The following TPP2 variants were observed in gnomAD, a reference collection of about 807,000 sequenced individuals.
The protein encoded by TPP2 is tripeptidyl-peptidase 2.
In TPP2, 34 loss-of-function variants were observed where a neutral mutation model predicts 155.9. The observed-to-expected ratio is 0.22, with a 90% confidence interval of 0.17 to 0.29. TPP2 has a LOEUF of 0.29. Ranked by LOEUF, TPP2 falls within the 10% of genes least tolerant of loss-of-function variation. The pLI is 1.00. For synonymous variants in TPP2, 510 were observed against 529.4 expected, an observed-to-expected ratio of 0.96 and a Z score of 0.50; for missense variants, 1,028 against 1,522.3, an observed-to-expected ratio of 0.68 and a Z score of 5.40.
rs144069682 is a variant in TPP2 at position 102,601,624 on chromosome 13, A to G, written c.166-3169A>G. Among the ~76,000 whole-genome samples the G allele has an allele frequency of 6.8e-3, 1,034 of 152,290 alleles. 4 individuals carry two copies. The highest frequency in any genetic ancestry group is 0.011 in the Non-Finnish European group (727 of 68,004). On this transcript the variant is annotated intron_variant, in intron 1 of 29. Transcript: ENST00000376052. The stretch of plus-strand genomic sequence containing the variant: ...AAGCTCTTACCGATACTAACTGCCC[A>G]TGCTTTCAGTCCCTCTTTCCCATGT...
intron 24 of TPP2, 119 bp downstream of exon 24, chr13:102,651,516 A>G (rs1419330732): frequency 2.9e-6 from 3 of 1,030,184 alleles, no homozygotes; most frequent in Non-Finnish European, 4.2e-6. Flanking sequence ...CTTTCTTTGC[A>G]TTCTAAAGTA....
intron 6 of TPP2, among the ~76,000 whole-genome samples, chr13:102,625,204 G>T (rs867002766): frequency 8.6e-6 from 1 of 115,890 alleles, no homozygotes; most frequent in Non-Finnish European, 1.7e-5. Context: ...TCGCTCTGTC[G>T]CCCAGGCTGG....
chr13:102,654,950 C>T (rs1469889997), intron 24 of TPP2: 6 of 498,576 alleles, frequency 1.2e-5, no homozygotes, highest in South Asian at 8.8e-5. Flanking sequence ...GCAGCTGGGT[C>T]CTGAAAGAGC....
rs758346149 is a variant in TPP2 at position 102,644,560 on chromosome 13, G to A, written c.2179G>A (p.Gly727Arg). 1.2e-6 allele frequency: 2 copies of A among 1,602,902 alleles called. No individual in the cohort carries two copies. The highest frequency in any genetic ancestry group is 2.2e-5 in the East Asian group (1 of 44,710). Reference protein sequence around the residue: ...TLTEAFPVLGGKAIEFCIARW... With the variant: ...TLTEAFPVLGRKAIEFCIARW... The stretch of plus-strand genomic sequence containing the variant: ...TTTTATTTACTTTTATTTGCAGGGT[G>A]GAAAAGCAATTGAATTTTGCATTGC... Residue 727 changes from glycine (G) to arginine (R), a missense_variant, in exon 18 of 30, where the codon GGA becomes AGA. By Grantham distance (125) the Gly-to-Arg change is moderately radical. Transcript: ENST00000376052.
rs1885517300 is a variant in TPP2, at chr13:102,679,850, T to G, written c.*1534T>G. 2 of 152,200 alleles carry G rather than the reference T, an allele frequency of 1.3e-5. No homozygotes were observed. The highest frequency in any genetic ancestry group is 4.1e-4 in the South Asian group (2 of 4,832). The allele number at this position is 152,200 out of a possible 1,614,324, so 9.4% of individuals were successfully genotyped here. On this transcript the variant is annotated 3_prime_UTR_variant, in exon 30 of 30. Coordinates refer to ENST00000376052, the MANE Select transcript of TPP2 (RefSeq NM_001330588.2). ...ACAGACCTTGCTTTACAACCCAGGT[T>G]TTGCTATTTCAGGTAAGTACTACCT... is the stretch of plus-strand genomic sequence containing the variant.
intron 17 of TPP2, 114 bp from the exon 18 acceptor site, chr13:102,644,443 T>A: frequency 1.1e-6 from 1 of 878,512 alleles, no homozygotes; most frequent in South Asian, 2.0e-5. Context: ...TGAGTTTTCT[T>A]GCTACAAACA....
At chr13:102,602,408 G>A (rs1408650865) in intron 1 of TPP2, among the ~76,000 whole-genome samples, 1 of 151,894 alleles carries the variant, frequency 6.6e-6, no homozygotes, top group African/African-American at 2.4e-5. Flanking sequence ...TGAGTTTTCT[G>A]AGTATTAGAA....
At chr13:102,632,789 G>A (rs542605515) in intron 10 of TPP2, among the ~76,000 whole-genome samples, 2 of 152,276 alleles carry the variant, frequency 1.3e-5, no homozygotes, top group Admixed American at 1.3e-4. Context: ...ACATATTGAT[G>A]AACATCCTTT....
At chr13:102,600,709 C>T (rs1042269017) in intron 1 of TPP2, among the ~76,000 whole-genome samples, 1 of 151,924 alleles carries the variant, frequency 6.6e-6, no homozygotes, top group African/African-American at 2.4e-5. Context: ...ATAATTTCCT[C>T]ATAGAGGGAA....
intron 16 of TPP2, among the ~76,000 whole-genome samples, chr13:102,641,192 G>A (rs904393631): frequency 2.6e-5 from 4 of 152,162 alleles, no homozygotes; most frequent in African/African-American, 9.7e-5. Flanking sequence ...AGCTGTGGGT[G>A]TACCATATTT....
intron 11 of TPP2, among the ~76,000 whole-genome samples, 171 bp downstream of exon 11, chr13:102,634,269 C>T (rs1882220148): frequency 6.6e-6 from 1 of 152,128 alleles, no homozygotes; most frequent in Non-Finnish European, 1.5e-5. Flanking sequence ...GTTTATTCAG[C>T]AGTATATTTG....
At chr13:102,614,895 A>AAC (rs71125082) in intron 3 of TPP2, among the ~76,000 whole-genome samples, 1 of 151,994 alleles carries the variant, frequency 6.6e-6, no homozygotes, top group Non-Finnish European at 1.5e-5. Flanking sequence ...ATTTTATCTT[A>AAC]GTAATATTTT....
intron 24 of TPP2, among the ~76,000 whole-genome samples, chr13:102,653,691 C>T (rs982195722): frequency 2.6e-5 from 4 of 152,162 alleles, no homozygotes; most frequent in African/African-American, 9.7e-5. Context: ...CCACTGCACC[C>T]AGCCTGAATA....
chr13:102,630,664 C>G (rs1881956121), intron 10 of TPP2, among the ~76,000 whole-genome samples: 1 of 152,172 alleles, frequency 6.6e-6, no homozygotes, highest in African/African-American at 2.4e-5. Flanking sequence ...TAAACAAGTT[C>G]TGACTGAGAA....
At chr13:102,636,174 A>G in intron 12 of TPP2, 50 bp from the exon 13 acceptor site, 1 of 1,502,714 alleles carries the variant, frequency 6.7e-7, no homozygotes, top group East Asian at 2.3e-5. Flanking sequence ...GCAACAAAAT[A>G]TTTTTTGACC....
intron 9 of TPP2, 71 bp from the exon 10 acceptor site, chr13:102,630,015 CAGTTTACTCA>C: frequency 8.8e-7 from 1 of 1,136,808 alleles, no homozygotes; most frequent in Admixed American, 1.8e-5. Context: ...AGAGATTAGG[CAGTTTACTCA>C]AGTGAACAGT....
chr13:102,652,192 A>G lies in TPP2; in HGVS notation c.2991+795A>G, dbSNP rs76513363. Among the ~76,000 whole-genome samples, 1,248 of 152,176 alleles carry G rather than the reference A, an allele frequency of 8.2e-3. 17 individuals are homozygous for G. The highest frequency in any genetic ancestry group is 0.028 in the African/African-American group (1,180 of 41,546). ...GCGGTTTGAAACCAGCCTGGGCAGCATGGTGAAACCCTGTCTCTACAAAAA... is the reference window on the plus strand; with the variant it reads ...GCGGTTTGAAACCAGCCTGGGCAGCGTGGTGAAACCCTGTCTCTACAAAAA... On this transcript the variant is annotated intron_variant, in intron 24 of 29. Coordinates refer to ENST00000376052, the MANE Select transcript of TPP2 (RefSeq NM_001330588.2).
intron 15 of TPP2, among the ~76,000 whole-genome samples, chr13:102,639,735 T>TC (rs1228161852): frequency 2.6e-5 from 4 of 152,264 alleles, no homozygotes; most frequent in African/African-American, 9.6e-5. Context: ...TAAAATTTGT[T>TC]TCCGTGGTGG....
intron 15 of TPP2, 38 bp downstream of exon 15, chr13:102,638,353 A>C: frequency 6.3e-7 from 1 of 1,585,454 alleles, no homozygotes; most frequent in African/African-American, 1.3e-5. Context: ...TGGTACATCT[A>C]AGATTTTAAT....
Sources: gnomAD v4.1 joint callset for allele counts (sites outside exome capture counted in the v4.1 genomes callset) on GRCh38, gnomAD v4.1.1 for gene constraint, MANE v1.5 for transcripts, NCBI Gene and HGNC (gene_info 2026-07-23, HGNC 2026-07-21) for gene names.